LIN54: variants seen among roughly 807,000 people sequenced by gnomAD.
LIN54 encodes the protein lin-54 DREAM MuvB core complex component, also known as protein lin-54 homolog.
A neutral mutation model predicts 78.7 loss-of-function variants in LIN54; 9 were observed. The ratio of observed to expected loss-of-function variants is 0.11; its 90% CI spans 0.07 to 0.20. LIN54 has a LOEUF of 0.20. LIN54 is among the 10% of genes least tolerant of loss of function. The pLI, the probability that LIN54 is intolerant of heterozygous loss-of-function variation, is 1.00. For missense variants in LIN54, 573 were observed against 889.9 expected (o/e 0.64, Z 4.53); for synonymous variants, 269 against 318.4 (o/e 0.84, Z 1.65).
At chr4:82,995,802 C>G (rs1728167031) in intron 1 of LIN54, among the ~76,000 whole-genome samples, 1 of 151,758 alleles carries the variant, frequency 6.6e-6, no homozygotes, top group Non-Finnish European at 1.5e-5. Flanking sequence ...CCTGGCCTCC[C>G]TGTTTGTTTC....
At chr4:82,946,549 C>T in intron 4 of LIN54, 75 bp from the exon 5 acceptor site, 1 of 1,190,848 alleles carries the variant, frequency 8.4e-7, no homozygotes. Context: ...ATAACCATTG[C>T]TCAAGTTGTA....
At position 83,004,745 on chromosome 4, in the gene LIN54, C is replaced by T. The variant is rs534291126; in HGVS notation, c.-33+5739G>A. Among the ~76,000 whole-genome samples, 10 of 152,222 alleles carry T rather than the reference C, an allele frequency of 6.6e-5. No individual in the cohort carries two copies. The East Asian group carries it at 1.9e-3, about 29-fold the overall frequency. On this transcript the variant is annotated intron_variant, in intron 1 of 12. Transcript: ENST00000340417. ...CACTCGTGGACTCAAGCTATCCTGC[C>T]ACCTTGGCCTCCCAAGGTGCTGGGA...
At chr4:82,946,804 T>C (rs1015293735) in intron 4 of LIN54, among the ~76,000 whole-genome samples, 8 of 152,184 alleles carry the variant, frequency 5.3e-5, no homozygotes, top group Admixed American at 3.9e-4. Flanking sequence ...AGAATTATTT[T>C]AAAATTCCCA....
At chr4:82,992,944 C>A (rs12498238) in intron 1 of LIN54, among the ~76,000 whole-genome samples, 7 of 149,684 alleles carry the variant, frequency 4.7e-5, no homozygotes, top group Admixed American at 2.7e-4. Context: ...AGGAGAATGG[C>A]GTGAACCCAG....
At chr4:82,967,418 C>T (rs1725294738) in intron 4 of LIN54, among the ~76,000 whole-genome samples, 1 of 152,074 alleles carries the variant, frequency 6.6e-6, no homozygotes, top group Non-Finnish European at 1.5e-5. Context: ...ATGGCTGCAG[C>T]TGTCACAATG....
At chr4:82,929,125 G>C (rs1721731917) in intron 12 of LIN54, among the ~76,000 whole-genome samples, 1 of 152,174 alleles carries the variant, frequency 6.6e-6, no homozygotes, top group Non-Finnish European at 1.5e-5. Context: ...GAGAATTCAG[G>C]CTGCCATGCA....
At chr4:82,931,469 G>T (rs1348904469) in intron 11 of LIN54, among the ~76,000 whole-genome samples, 2 of 152,044 alleles carry the variant, frequency 1.3e-5, no homozygotes, top group Admixed American at 6.6e-5. Context: ...CAAAAATAAA[G>T]GTCATCCAGA....
intron 1 of LIN54, among the ~76,000 whole-genome samples, chr4:83,006,762 A>C (rs1729416697): frequency 6.6e-6 from 1 of 152,216 alleles, no homozygotes; most frequent in South Asian, 2.1e-4. Context: ...TTAACTTTGT[A>C]ACTTACTTTC....
intron 5 of LIN54, among the ~76,000 whole-genome samples, chr4:82,943,279 A>G (rs1023368875): frequency 2.0e-5 from 3 of 152,076 alleles, no homozygotes; most frequent in Admixed American, 2.0e-4. Flanking sequence ...TCCCTCACCG[A>G]GATGACAGGT....
chr4:82,962,645 A>T (rs1724891213), intron 4 of LIN54, among the ~76,000 whole-genome samples: 2 of 152,054 alleles, frequency 1.3e-5, no homozygotes, highest in Non-Finnish European at 2.9e-5. Flanking sequence ...TAGCATAAAT[A>T]AAAAAAGGGC....
intron 1 of LIN54, among the ~76,000 whole-genome samples, chr4:83,009,808 G>A (rs1294364872): frequency 6.6e-6 from 1 of 152,126 alleles, no homozygotes; most frequent in Non-Finnish European, 1.5e-5. Flanking sequence ...AGAGCTCCTA[G>A]AGCTGTATTT....
At chr4:82,988,650 T>G (rs552027729) in intron 1 of LIN54, among the ~76,000 whole-genome samples, 214 of 152,354 alleles carry the variant, frequency 1.4e-3, no homozygotes, top group African/African-American at 4.9e-3. Context: ...CTGTACCATT[T>G]TATACACCCT....
At chr4:82,985,823 G>A (rs1304405843) in intron 1 of LIN54, among the ~76,000 whole-genome samples, 2 of 152,156 alleles carry the variant, frequency 1.3e-5, no homozygotes, top group African/African-American at 4.8e-5. Flanking sequence ...TTACAGGCGT[G>A]AGCCACCGTG....
intron 4 of LIN54, among the ~76,000 whole-genome samples, chr4:82,968,360 A>G (rs1277300729): frequency 4.6e-5 from 7 of 152,178 alleles, no homozygotes; most frequent in African/African-American, 1.7e-4. Flanking sequence ...CAAGGATGGG[A>G]AAAAAATAAA....
At chr4:82,991,468 G>A (rs1277941783) in intron 1 of LIN54, among the ~76,000 whole-genome samples, 1 of 152,114 alleles carries the variant, frequency 6.6e-6, no homozygotes, top group Non-Finnish European at 1.5e-5. Flanking sequence ...TACAGTCCAT[G>A]TTGTCTGTAA....
At chr4:82,938,627 C>CACACAA in intron 7 of LIN54, 123 bp from the exon 8 acceptor site, 3 of 617,974 alleles carry the variant, frequency 4.9e-6, no homozygotes, top group Non-Finnish European at 8.6e-6. Context: ...TGGAGAATAT[C>CACACAA]ACACAAACAC....
intron 1 of LIN54, among the ~76,000 whole-genome samples, chr4:83,007,821 G>A (rs371288190): frequency 2.0e-5 from 3 of 152,016 alleles, no homozygotes; most frequent in East Asian, 1.9e-4. Context: ...CCTGGGAGGC[G>A]GAGGTTGCAG....
upstream of LIN54, chr4:83,010,850 C>CA: frequency 8.4e-7 from 1 of 1,188,606 alleles, no homozygotes. Context: ...CTCCTCCCCT[C>CA]CCCGCCCGCC....
At chr4:82,930,820 GA>G (rs1217357308) in intron 12 of LIN54, 122 bp downstream of exon 12, 1 of 809,484 alleles carries the variant, frequency 1.2e-6, no homozygotes, top group East Asian at 2.7e-5. Context: ...ACTAAAGATG[GA>G]AAGAAAACAC....
Sources: gnomAD v4.1 joint callset for allele counts (sites outside exome capture counted in the v4.1 genomes callset) on GRCh38, gnomAD v4.1.1 for gene constraint, MANE v1.5 for transcripts, NCBI Gene and HGNC (gene_info 2026-07-23, HGNC 2026-07-21) for gene names.